The following JMJD1C variants were observed in gnomAD, a reference collection of about 807,000 sequenced individuals.
The protein encoded by JMJD1C is jumonji domain-containing protein 1C.
JMJD1C carries 31 observed loss-of-function variants against 245.3 expected under a neutral mutation model. The ratio of observed to expected loss-of-function variants is 0.13; its 90% CI spans 0.09 to 0.17. JMJD1C has a LOEUF of 0.17. JMJD1C is among the 10% of genes least tolerant of loss of function. The pLI is 1.00. For missense variants in JMJD1C, 2,691 were observed against 3,000.2 expected (o/e 0.90, Z 2.41); for synonymous variants, 1,057 against 1,017.4 (o/e 1.04, Z -0.74).
intron 2 of JMJD1C, among the ~76,000 whole-genome samples, chr10:63,281,326 G>C: frequency 7.4e-6 from 1 of 135,592 alleles, no homozygotes. Flanking sequence ...TTTTTTGTTT[G>C]TTTTTTGTTT....
At chr10:63,298,283 A>G (rs1859672809) in intron 2 of JMJD1C, among the ~76,000 whole-genome samples, 1 of 152,206 alleles carries the variant, frequency 6.6e-6, no homozygotes, top group South Asian at 2.1e-4. Flanking sequence ...GGAATAAGCA[A>G]AACTCAAGCA....
In JMJD1C at chr10:63,203,424, G is replaced by A. The variant is rs1304130695; in HGVS notation, c.5075-2747C>T. 4.1e-6 allele frequency: 4 copies of A among 985,304 alleles called. 1 individual carries two copies. Among genetic ancestry groups the A allele is most frequent in the South Asian group, 9.4e-5 (2 of 21,284 alleles). The allele number at this position is 985,304 out of a possible 1,614,324, so 61.0% of individuals were successfully genotyped here. A position where few individuals can be genotyped will look rare whatever the true frequency, so the allele number is the denominator to read the frequency against. ...AGCTGCTCTAACAGAAAACTGGGGA[G>A]GAAGAAAGTAAGAGACAAATACTTG... On this transcript the variant is annotated intron_variant, in intron 10 of 25. Coordinates refer to ENST00000399262, the MANE Select transcript of JMJD1C (RefSeq NM_032776.3).
At chr10:63,239,287 G>C (rs180868649) in intron 3 of JMJD1C, among the ~76,000 whole-genome samples, 1 of 152,292 alleles carries the variant, frequency 6.6e-6, no homozygotes, top group East Asian at 1.9e-4. Context: ...AAAACTGAAA[G>C]ACTGTAGTTT....
intron 3 of JMJD1C, chr10:63,222,591 T>C (rs1211507535): frequency 1.9e-6 from 3 of 1,596,068 alleles, no homozygotes; most frequent in East Asian, 4.5e-5. Context: ...AAATTACCAA[T>C]GTTTCTTCAT....
At chr10:63,495,715 A>C (rs1040044917) in intron 1 of JMJD1C, among the ~76,000 whole-genome samples, 1 of 150,330 alleles carries the variant, frequency 6.7e-6, no homozygotes, top group African/African-American at 2.4e-5. Context: ...CCGAGATCGC[A>C]CCATTGCACT....
chr10:63,269,877 ATGT>A (rs1156441629), intron 2 of JMJD1C, among the ~76,000 whole-genome samples: 1 of 152,180 alleles, frequency 6.6e-6, no homozygotes, highest in African/African-American at 2.4e-5. Context: ...CTGCTGTCTG[ATGT>A]TGTCCAATAT....
chr10:63,454,553 C>A (rs1251531637), intron 1 of JMJD1C, among the ~76,000 whole-genome samples: 1 of 152,120 alleles, frequency 6.6e-6, no homozygotes, highest in Non-Finnish European at 1.5e-5. Flanking sequence ...GCCTCAGCCC[C>A]CCTAGTAGCT....
chr10:63,286,419 C>T (rs552781543), intron 2 of JMJD1C, among the ~76,000 whole-genome samples: 2 of 152,320 alleles, frequency 1.3e-5, no homozygotes, highest in South Asian at 2.1e-4. Flanking sequence ...ACCGTGAACA[C>T]GGTTAAGAAC....
At chr10:63,217,073 A>T in intron 5 of JMJD1C, 134 bp downstream of exon 5, 1 of 761,592 alleles carries the variant, frequency 1.3e-6, no homozygotes, top group Non-Finnish European at 2.1e-6. Flanking sequence ...AGATACATTT[A>T]AACTTACTAG....
intron 2 of JMJD1C, among the ~76,000 whole-genome samples, chr10:63,303,869 ATTC>A (rs949372191): frequency 2.6e-5 from 4 of 152,334 alleles, no homozygotes; most frequent in South Asian, 2.1e-4. Flanking sequence ...AATAACCAAG[ATTC>A]TTGTTTATCA....
At chr10:63,188,494 C>T (rs761760902) in intron 18 of JMJD1C, among the ~76,000 whole-genome samples, 22 of 152,274 alleles carry the variant, frequency 1.4e-4, no homozygotes, top group South Asian at 2.1e-4. Context: ...ACAGAGACTG[C>T]GTCTCTTATT....
At position 63,305,661 on chromosome 10, in the gene JMJD1C, T is replaced by TGC. The variant is rs1276639936; in HGVS notation, c.334-40898_334-40897insGC. Among the ~76,000 whole-genome samples, 3 of 136,876 alleles carry TGC rather than the reference T, an allele frequency of 2.2e-5. No homozygotes were observed. In the East Asian group the frequency reaches 8.6e-4, roughly 39 times the overall value. The allele number at this position is 136,876 out of a possible 152,430, so 89.8% of individuals were successfully genotyped here. The stretch of plus-strand genomic sequence containing the variant: ...GTGTGTGTGTGTGTGTGTGTGTGTG[T>TGC]GTGTGTGTGTGTGTGTGTGTGTTGA... On this transcript the variant is annotated intron_variant, in intron 2 of 25. Coordinates refer to ENST00000399262, the MANE Select transcript of JMJD1C (RefSeq NM_032776.3).
At chr10:63,347,642 G>A (rs1335751267) in intron 2 of JMJD1C, among the ~76,000 whole-genome samples, 1 of 151,728 alleles carries the variant, frequency 6.6e-6, no homozygotes, top group African/African-American at 2.4e-5. Context: ...GGCAGGCGTA[G>A]TGGCTCATGC....
At chr10:63,334,614 G>A (rs558631876) in intron 2 of JMJD1C, among the ~76,000 whole-genome samples, 201 of 152,050 alleles carry the variant, frequency 1.3e-3, no homozygotes, top group Admixed American at 7.3e-3. Flanking sequence ...CCAGCTACTC[G>A]GGAGGCTGAG....
rs117653601 is a variant in JMJD1C, at chr10:63,410,225, T to A, written c.169-29743A>T. Reference sequence around the variant, plus strand: ...ATACAGTGACATATAACATATTATTTCACCAAGGCACAAATTTAATCACAT... The same window carrying A: ...ATACAGTGACATATAACATATTATTACACCAAGGCACAAATTTAATCACAT... On this transcript the variant is annotated intron_variant, in intron 1 of 25. Coordinates refer to ENST00000399262, the MANE Select transcript of JMJD1C (RefSeq NM_032776.3). Among the ~76,000 whole-genome samples the A allele has an allele frequency of 4.3e-3, 649 of 152,274 alleles. 1 individual carries two copies. The highest frequency in any genetic ancestry group is 6.8e-3 in the Non-Finnish European group (461 of 68,012).
At chr10:63,402,445 G>C (rs1434595492) in intron 1 of JMJD1C, among the ~76,000 whole-genome samples, 1 of 152,274 alleles carries the variant, frequency 6.6e-6, no homozygotes, top group East Asian at 1.9e-4. Context: ...AATACCTGAT[G>C]ATATGTAACA....
intron 3 of JMJD1C, among the ~76,000 whole-genome samples, chr10:63,221,156 A>C (rs1014571859): frequency 1.3e-5 from 2 of 152,042 alleles, no homozygotes; most frequent in African/African-American, 4.8e-5. Flanking sequence ...CCGTGAATAG[A>C]AAAGAGCTAA....
At chr10:63,430,919 T>C (rs1345403514) in intron 1 of JMJD1C, among the ~76,000 whole-genome samples, 1 of 152,170 alleles carries the variant, frequency 6.6e-6, no homozygotes, top group African/African-American at 2.4e-5. Context: ...AATTTTTGTT[T>C]TGTTTTGTTT....
intron 2 of JMJD1C, among the ~76,000 whole-genome samples, chr10:63,335,225 ATGT>A (rs1054011503): frequency 6.6e-6 from 1 of 152,040 alleles, no homozygotes; most frequent in African/African-American, 2.4e-5. Context: ...GTGCCTCTGA[ATGT>A]TGTTATCAGA....
Sources: gnomAD v4.1 joint callset for allele counts (sites outside exome capture counted in the v4.1 genomes callset) on GRCh38, gnomAD v4.1.1 for gene constraint, MANE v1.5 for transcripts, NCBI Gene and HGNC (gene_info 2026-07-23, HGNC 2026-07-21) for gene names.